ARFIP1: variants seen among roughly 807,000 people sequenced by gnomAD.
The protein encoded by ARFIP1 is arfaptin-1.
ARFIP1 carries 24 observed loss-of-function variants against 42.5 expected under a neutral mutation model. That is an observed-to-expected ratio of 0.57 (90% CI 0.41 to 0.80). ARFIP1 has a LOEUF of 0.80. Among genes scored for constraint, ARFIP1 ranks in the 30% least tolerant of loss-of-function variants. The pLI is 0.00. For synonymous variants in ARFIP1, 141 were observed against 153.7 expected, an observed-to-expected ratio of 0.92 and a Z score of 0.61; for missense variants, 354 against 434.0, an observed-to-expected ratio of 0.82 and a Z score of 1.64.
rs181990607 is a variant in ARFIP1 at position 152,860,631 on chromosome 4, C to G, written c.94-2975C>G. ...GTAACAAATCACTTTACACACATCT[C>G]ACTGCCAGTGTGATGAAATCCCAGG... On this transcript the variant is annotated intron_variant, in intron 2 of 8. Coordinates refer to ENST00000353617, the MANE Select transcript of ARFIP1 (RefSeq NM_001025595.3). Among the ~76,000 whole-genome samples the G allele has an allele frequency of 3.9e-5, 6 of 152,320 alleles. No individual in the cohort carries two copies. The East Asian group carries it at 1.2e-3, about 29-fold the overall frequency.
chr4:152,827,682 TTTTG>T (rs1016242514), intron 1 of ARFIP1, among the ~76,000 whole-genome samples: 1 of 152,138 alleles, frequency 6.6e-6, no homozygotes, highest in Admixed American at 6.5e-5. Flanking sequence ...AAATTGGGTT[TTTTG>T]TTTGTTTGAG....
chr4:152,816,411 CATG>C (rs1397093214), intron 1 of ARFIP1, among the ~76,000 whole-genome samples: 1 of 152,208 alleles, frequency 6.6e-6, no homozygotes, highest in Non-Finnish European at 1.5e-5. Flanking sequence ...AAAAGCTGAG[CATG>C]ATACCACCTC....
intron 1 of ARFIP1, among the ~76,000 whole-genome samples, chr4:152,782,155 ATAGC>A (rs1384730105): frequency 6.6e-6 from 1 of 151,880 alleles, no homozygotes; most frequent in Admixed American, 6.6e-5. Flanking sequence ...AAGGAGATAT[ATAGC>A]TTCTTGATAG....
chr4:152,884,421 T>A (rs1736106216), intron 7 of ARFIP1, among the ~76,000 whole-genome samples: 1 of 152,040 alleles, frequency 6.6e-6, no homozygotes, highest in Non-Finnish European at 1.5e-5. Flanking sequence ...GTTCATAATG[T>A]CCTAATTTGT....
At chr4:152,900,523 C>T (rs1450791501) in intron 8 of ARFIP1, among the ~76,000 whole-genome samples, 1 of 152,036 alleles carries the variant, frequency 6.6e-6, no homozygotes, top group African/African-American at 2.4e-5. Flanking sequence ...TTTGTCTTTC[C>T]TTCTCTCACT....
At chr4:152,804,939 C>T (rs1728884972) in intron 1 of ARFIP1, among the ~76,000 whole-genome samples, 1 of 152,124 alleles carries the variant, frequency 6.6e-6, no homozygotes, top group African/African-American at 2.4e-5. Flanking sequence ...GCAGTCTCCT[C>T]ATCTGTAAGA....
At chr4:152,843,902 G>C (rs867187795) in intron 2 of ARFIP1, among the ~76,000 whole-genome samples, 6 of 152,150 alleles carry the variant, frequency 3.9e-5, no homozygotes, top group Non-Finnish European at 8.8e-5. Flanking sequence ...CTGCACACGG[G>C]ATTTGTGCCC....
At chr4:152,868,753 G>T (rs1734619769) in intron 3 of ARFIP1, among the ~76,000 whole-genome samples, 1 of 152,104 alleles carries the variant, frequency 6.6e-6, no homozygotes, top group Non-Finnish European at 1.5e-5. Context: ...AATCCCTTAT[G>T]CCTTGGACGG....
chr4:152,895,067 G>A (rs1737194843), intron 8 of ARFIP1, among the ~76,000 whole-genome samples: 2 of 152,232 alleles, frequency 1.3e-5, no homozygotes, highest in South Asian at 4.1e-4. Context: ...GCCAGACTAT[G>A]TAGCCCTGAT....
At chr4:152,888,776 C>T (rs572135470) in intron 8 of ARFIP1, among the ~76,000 whole-genome samples, 1 of 152,204 alleles carries the variant, frequency 6.6e-6, no homozygotes, top group East Asian at 1.9e-4. Context: ...GATCCATTTT[C>T]CACATTTTTT....
chr4:152,893,513 T>C (rs1278310822), intron 8 of ARFIP1, among the ~76,000 whole-genome samples: 1 of 152,188 alleles, frequency 6.6e-6, no homozygotes, highest in Non-Finnish European at 1.5e-5. Context: ...AACTTGGGAA[T>C]GATAAATCTC....
chr4:152,780,820 A>G (rs1372577491), intron 1 of ARFIP1, among the ~76,000 whole-genome samples: 1 of 152,244 alleles, frequency 6.6e-6, no homozygotes, highest in African/African-American at 2.4e-5. Flanking sequence ...TGTCTAGGAA[A>G]AGGAAATAAT....
At chr4:152,880,734 C>A (rs1446732133) in intron 5 of ARFIP1, among the ~76,000 whole-genome samples, 2 of 152,108 alleles carry the variant, frequency 1.3e-5, no homozygotes, top group East Asian at 1.9e-4. Flanking sequence ...GTTCTTATGG[C>A]AGTATATAAG....
intron 1 of ARFIP1, among the ~76,000 whole-genome samples, chr4:152,806,010 A>G (rs556880487): frequency 3.0e-4 from 46 of 152,382 alleles, no homozygotes; most frequent in Middle Eastern, 6.8e-3. Flanking sequence ...ATAAGGAAAT[A>G]TACATCATAC....
intron 8 of ARFIP1, among the ~76,000 whole-genome samples, chr4:152,908,716 T>C (rs922741528): frequency 3.3e-5 from 5 of 152,200 alleles, no homozygotes; most frequent in African/African-American, 1.2e-4. Context: ...CTTTCACATA[T>C]AACATCATAC....
At chr4:152,878,475 C>T (rs1176984418) in intron 5 of ARFIP1, among the ~76,000 whole-genome samples, 1 of 152,222 alleles carries the variant, frequency 6.6e-6, no homozygotes, top group East Asian at 1.9e-4. Context: ...TATCTTCTCA[C>T]TACAACTTCC....
chr4:152,793,148 G>A (rs1264133937), intron 1 of ARFIP1, among the ~76,000 whole-genome samples: 1 of 151,626 alleles, frequency 6.6e-6, no homozygotes, highest in East Asian at 1.9e-4. Flanking sequence ...AATTATATAG[G>A]TCATTAACTT....
At chr4:152,835,724 C>T (rs1211739026) in intron 2 of ARFIP1, among the ~76,000 whole-genome samples, 4 of 152,114 alleles carry the variant, frequency 2.6e-5, no homozygotes, top group Non-Finnish European at 1.5e-5. Flanking sequence ...TTAGTCCATA[C>T]TTATGTTGCT....
rs758956347 is a variant in ARFIP1 at position 152,872,501 on chromosome 4, A to G, written c.348A>G (p.Glu116=). ...TKSGPVILAD[E]IKNPAMEKLE... ...GTGGACCAGTTATTCTAGCAGATGA[A>G]ATTAAAAATCCTGCAATGGAAAAGT... Residue 116 remains glutamate (E), a synonymous_variant, in exon 5 of 9, where the codon GAA becomes GAG. Transcript: ENST00000353617. 1.2e-6 allele frequency: 2 copies of G among 1,612,132 alleles called. No individual in the cohort carries two copies. Among genetic ancestry groups the G allele is most frequent in the Non-Finnish European group, 1.7e-6 (2 of 1,179,194 alleles).
Sources: allele counts gnomAD v4.1 joint callset (sites outside exome capture counted in the v4.1 genomes callset), GRCh38; gene constraint gnomAD v4.1.1; transcripts MANE v1.5; gene names NCBI Gene and HGNC (gene_info 2026-07-23, HGNC 2026-07-21).